Variants in ICE1 observed in about 807,000 individuals in gnomAD.
The protein encoded by ICE1 is interactor of little elongation complex ELL subunit 1, also known as little elongation complex subunit 1.
In ICE1, 64 loss-of-function variants were observed where a neutral mutation model predicts 192.7. The ratio of observed to expected loss-of-function variants is 0.33; its 90% confidence interval spans 0.27 to 0.41. The LOEUF is 0.41. Among genes scored for constraint, ICE1 ranks in the 10% least tolerant of loss-of-function variants. The pLI is 1.00. For synonymous variants in ICE1, 1,010 were observed against 984.5 expected, an observed-to-expected ratio of 1.03 and a Z score of -0.49; for missense variants, 2,708 against 2,696.0, an observed-to-expected ratio of 1.00 and a Z score of -0.10.
chr5:5,435,657 G>GT (rs869296400), intron 1 of ICE1, among the ~76,000 whole-genome samples: 394 of 114,118 alleles, frequency 3.5e-3, no homozygotes, highest in Middle Eastern at 9.0e-3. Flanking sequence ...CCAAATTTGT[G>GT]TTTTTTTTTT....
chr5:5,480,677 G>A (rs1408988436), intron 17 of ICE1, among the ~76,000 whole-genome samples: 1 of 152,156 alleles, frequency 6.6e-6, no homozygotes, highest in African/African-American at 2.4e-5. Flanking sequence ...TACTGTATCG[G>A]CAAATTTGCA....
intron 11 of ICE1, among the ~76,000 whole-genome samples, chr5:5,455,791 C>T (rs2111368343): frequency 6.6e-6 from 1 of 152,246 alleles, no homozygotes; most frequent in Non-Finnish European, 1.5e-5. Flanking sequence ...TTAACATTTT[C>T]AGTTACCAAT....
intron 17 of ICE1, 134 bp downstream of exon 17, chr5:5,476,213 G>T: frequency 5.8e-6 from 3 of 517,752 alleles, no homozygotes; most frequent in Non-Finnish European, 1.0e-5. Flanking sequence ...AGATACTTTT[G>T]TACTTAAGTC....
intron 15 of ICE1, among the ~76,000 whole-genome samples, 188 bp from the exon 16 acceptor site, chr5:5,473,370 A>C (rs1187920483): frequency 6.6e-6 from 1 of 152,214 alleles, no homozygotes; most frequent in Non-Finnish European, 1.5e-5. Context: ...AATCTGGCTC[A>C]TCCAGCTACC....
rs752109127 is a variant in ICE1, at chr5:5,460,660, C to G, written c.1326C>G (p.Leu442=). Residue 442 remains leucine (L), a synonymous_variant, in exon 13 of 19, where the codon CTC becomes CTG. Coordinates refer to ENST00000296564, the MANE Select transcript of ICE1 (RefSeq NM_015325.3). ...WEVNKVTTSG[L]ETFTATLRES... ...TAAATAAAGTGACAACTTCTGGACT[C>G]GAGACTTTCACAGCAACACTGAGAG... 1.9e-6 allele frequency: 3 copies of G among 1,613,904 alleles called. No homozygotes were observed. The highest frequency in any genetic ancestry group is 2.2e-5 in the East Asian group (1 of 44,884).
intron 17 of ICE1, among the ~76,000 whole-genome samples, chr5:5,485,956 A>T (rs936015765): frequency 4.6e-5 from 7 of 152,250 alleles, no homozygotes; most frequent in African/African-American, 1.7e-4. Context: ...CCAGTTAGCC[A>T]TAGTTTGTCA....
At chr5:5,446,986 G>T (rs911775352) in intron 7 of ICE1, among the ~76,000 whole-genome samples, 7 of 152,182 alleles carry the variant, frequency 4.6e-5, no homozygotes, top group African/African-American at 1.7e-4. Flanking sequence ...GAGAATTCCA[G>T]GGAAGAATAA....
In ICE1 at chr5:5,463,668, C is replaced by T. The variant is rs765826899; in HGVS notation, c.4334C>T (p.Pro1445Leu). The change falls in exon 13 of 19, where the codon CCT becomes CTT. Residue 1445 changes from proline to leucine, a missense_variant. Physicochemically the swap from Pro to Leu is moderately conservative, Grantham distance 98. Around this residue, in one of 2 missense-constraint regions of ICE1, gnomAD observed 2,366 missense variants for 2,276.6 expected, o/e 1.04. Coordinates refer to ENST00000296564, the MANE Select transcript of ICE1 (RefSeq NM_015325.3). ...GACCAGGTCACACTGTGTGACATTC[C>T]TGGAGACATCCCTATTTCTCAGGAT... is the stretch of plus-strand genomic sequence containing the variant. ...HVDQVTLCDI[P>L]GDIPISQDQG... 1 of 1,613,932 alleles carries T rather than the reference C, an allele frequency of 6.2e-7. No homozygotes were observed. The highest frequency in any genetic ancestry group is 2.2e-5 in the East Asian group (1 of 44,886).
chr5:5,444,715 A>G (rs1269337824), intron 7 of ICE1, among the ~76,000 whole-genome samples: 3 of 152,156 alleles, frequency 2.0e-5, no homozygotes, highest in South Asian at 4.1e-4. Flanking sequence ...AGAAACATGT[A>G]TTTAGATAGT....
At chr5:5,450,455 G>T (rs1738380292) in intron 10 of ICE1, among the ~76,000 whole-genome samples, 1 of 152,150 alleles carries the variant, frequency 6.6e-6, no homozygotes, top group Admixed American at 6.5e-5. Context: ...GTCTCAATAT[G>T]CGTCTCCTAG....
Position 5,486,806 on chromosome 5 carries a change from T to C in ICE1, c.6606T>C (p.His2202=). Residue 2202 remains histidine, a synonymous_variant, in exon 18 of 19, where the codon CAT becomes CAC. Transcript: ENST00000296564. ...CGGTTATTGGTATGTTTATACAGCATGCTCACGATGAAGGTAAAACTTACA... is the reference window on the plus strand; with the variant it reads ...CGGTTATTGGTATGTTTATACAGCACGCTCACGATGAAGGTAAAACTTACA... ...ISSVIGMFIQ[H]AHDEDIPWGI... The C allele has an allele frequency of 6.3e-7, 1 of 1,592,188 alleles. No individual in the cohort carries two copies. The highest frequency in any genetic ancestry group is 8.6e-7 in the Non-Finnish European group (1 of 1,167,534).
At chr5:5,453,463 C>G (rs1330155893) in intron 10 of ICE1, among the ~76,000 whole-genome samples, 1 of 152,118 alleles carries the variant, frequency 6.6e-6, no homozygotes, top group Non-Finnish European at 1.5e-5. Context: ...CTGTGATTCC[C>G]TGAGACATTT....
At chr5:5,441,869 C>G (rs1561077593) in intron 5 of ICE1, among the ~76,000 whole-genome samples, 1 of 152,018 alleles carries the variant, frequency 6.6e-6, no homozygotes, top group Non-Finnish European at 1.5e-5. Context: ...CTTGTGGTTT[C>G]TCATTGTCTG....
At chr5:5,424,332 ATT>A (rs1561068774) in intron 1 of ICE1, among the ~76,000 whole-genome samples, 1 of 152,142 alleles carries the variant, frequency 6.6e-6, no homozygotes, top group African/African-American at 2.4e-5. Flanking sequence ...CTAACAGATC[ATT>A]GCCTTCACTG....
chr5:5,431,106 T>C (rs1325734345), intron 1 of ICE1, among the ~76,000 whole-genome samples: 1 of 152,188 alleles, frequency 6.6e-6, no homozygotes, highest in African/African-American at 2.4e-5. Flanking sequence ...AATGTGAATC[T>C]GACTCTGTGA....
chr5:5,442,229 G>A (rs12659887), intron 5 of ICE1, among the ~76,000 whole-genome samples: 4,911 of 152,234 alleles, frequency 0.032, 171 homozygotes, highest in East Asian at 0.15. Flanking sequence ...GAGCCAAGTA[G>A]CAGCCACCTG....
In ICE1 at chr5:5,422,997, C is replaced by T; in HGVS notation, c.82C>T (p.Gln28Ter). The change falls in exon 1 of 19, where the codon CAG becomes TAG. Residue 28 changes from glutamine to a stop codon, truncating the protein, a stop_gained and splice_region_variant. Coordinates refer to ENST00000296564, the MANE Select transcript of ICE1 (RefSeq NM_015325.3). LOFTEE classifies it high-confidence loss of function. ...ATGTCAGGGCTGCGCCTCTCTGCAG[C>T]AGGTGCAGCACCTCCCGGGGCCCCG... ...SRCQGCASLQ[Q>*]NLNEYVEALI... is the part of the protein sequence containing the mutation. The T allele has an allele frequency of 1.4e-6, 2 of 1,436,934 alleles. No individual in the cohort carries two copies. Among genetic ancestry groups the T allele is most frequent in the Non-Finnish European group, 1.8e-6 (2 of 1,095,096 alleles). 89.0% of individuals were successfully genotyped at this position (1,436,934 alleles called of 1,614,324 possible).
At position 5,457,509 on chromosome 5, in the gene ICE1, C is replaced by G; in HGVS notation, c.869C>G (p.Thr290Arg). Residue 290 changes from threonine (T) to arginine (R), a missense_variant, in exon 12 of 19, where the codon ACA (threonine) becomes AGA (arginine). By Grantham distance (71) the Thr-to-Arg change is moderately conservative. Around this residue, in one of 2 missense-constraint regions of ICE1, gnomAD observed 2,366 missense variants for 2,276.6 expected, o/e 1.04. Coordinates refer to ENST00000296564, the MANE Select transcript of ICE1 (RefSeq NM_015325.3). ...GTGGAAAAACAGAGCTCCAGTGGAA[C>G]AAATTGTAGTTCTGACCATGTTTTT... Reference protein sequence around the residue: ...QNVEKQSSSGTNCSSDHVFNE... With the variant: ...QNVEKQSSSGRNCSSDHVFNE... 6.2e-7 allele frequency: 1 copy of G among 1,613,944 alleles called. No individual in the cohort carries two copies. The highest frequency in any genetic ancestry group is 1.6e-4 in the Middle Eastern group (1 of 6,062).
intron 4 of ICE1, among the ~76,000 whole-genome samples, 191 bp downstream of exon 4, chr5:5,440,104 G>A: frequency 6.6e-6 from 1 of 152,150 alleles, no homozygotes; most frequent in Non-Finnish European, 1.5e-5. Flanking sequence ...TTTTTCAAAT[G>A]AATTTGTTAC....
Sources: allele counts gnomAD v4.1 joint callset (sites outside exome capture counted in the v4.1 genomes callset), GRCh38; gene constraint gnomAD v4.1.1; regional missense constraint gnomAD v4.1.1; transcripts MANE v1.5; gene names NCBI Gene and HGNC (gene_info 2026-07-23, HGNC 2026-07-21).